The following FARS2 variants were observed in gnomAD, a reference collection of about 807,000 sequenced individuals.
FARS2 encodes the protein phenylalanine--tRNA ligase, mitochondrial.
In FARS2, 40 loss-of-function variants were observed where a neutral mutation model predicts 46.4. The observed-to-expected ratio is 0.86, with a 90% CI of 0.67 to 1.12. The LOEUF (loss-of-function observed/expected upper bound fraction) is 1.12, where lower values mean the gene tolerates loss of function less well. Among genes scored for constraint, FARS2 ranks in the 50% most tolerant of loss-of-function variants. FARS2 has a pLI of 0.00. For missense variants in FARS2, 513 were observed against 567.9 expected, an observed-to-expected ratio of 0.90 and a Z score of 0.98; for synonymous variants, 234 against 214.9, an observed-to-expected ratio of 1.09 and a Z score of -0.78.
chr6:5,573,927 T>G lies in FARS2; in HGVS notation c.1065+28587T>G, dbSNP rs141174842. Among the ~76,000 whole-genome samples, 12 of 152,270 alleles carry G rather than the reference T, an allele frequency of 7.9e-5. No homozygotes were observed. In the East Asian group the frequency reaches 2.3e-3, roughly 29 times the overall value. Reference sequence around the variant, plus strand: ...GGAAGTAGAACATTTTCAGTTAAAGTGTATTTTCTATGGTCTGTGACCTAA... The same window carrying G: ...GGAAGTAGAACATTTTCAGTTAAAGGGTATTTTCTATGGTCTGTGACCTAA... On this transcript the variant is annotated intron_variant, in intron 5 of 6. Coordinates refer to ENST00000274680, the MANE Select transcript of FARS2 (RefSeq NM_006567.5).
intron 1 of FARS2, among the ~76,000 whole-genome samples, chr6:5,357,329 T>G (rs1757997269): frequency 6.6e-6 from 1 of 152,222 alleles, no homozygotes; most frequent in South Asian, 2.1e-4. Flanking sequence ...TCCATTTGAT[T>G]TGGAAAAACA....
At chr6:5,502,754 G>A (rs1013015480) in intron 4 of FARS2, among the ~76,000 whole-genome samples, 5 of 152,110 alleles carry the variant, frequency 3.3e-5, no homozygotes, top group African/African-American at 4.8e-5. Flanking sequence ...AGGTTTTCTC[G>A]CACACATGTA....
At chr6:5,753,400 A>G (rs911865827) in intron 6 of FARS2, among the ~76,000 whole-genome samples, 3 of 152,106 alleles carry the variant, frequency 2.0e-5, no homozygotes, top group Non-Finnish European at 2.9e-5. Flanking sequence ...AAGATATTAG[A>G]TCCCTCTGCA....
chr6:5,273,344 T>A (rs1360807300), intron 1 of FARS2, among the ~76,000 whole-genome samples: 1 of 152,234 alleles, frequency 6.6e-6, no homozygotes, highest in Non-Finnish European at 1.5e-5. Context: ...ATTCCCTTTT[T>A]GATAAAAGCC....
At chr6:5,361,787 T>C (rs1336650668) in intron 1 of FARS2, among the ~76,000 whole-genome samples, 2 of 152,218 alleles carry the variant, frequency 1.3e-5, no homozygotes, top group Non-Finnish European at 2.9e-5. Flanking sequence ...TGACCATATA[T>C]GGGTTATGCC....
intron 2 of FARS2, among the ~76,000 whole-genome samples, chr6:5,381,370 A>AAT (rs368344271): frequency 0.13 from 17,276 of 132,820 alleles, 1,225 homozygotes; most frequent in South Asian, 0.18. Context: ...ACTCCCCAGA[A>AAT]ACACACACAC....
intron 1 of FARS2, among the ~76,000 whole-genome samples, chr6:5,338,204 T>A (rs901455213): frequency 6.6e-6 from 1 of 152,180 alleles, no homozygotes; most frequent in Non-Finnish European, 1.5e-5. Context: ...ATAGTTTGGA[T>A]TTTTTCCACT....
At chr6:5,704,963 G>C (rs1476365464) in intron 6 of FARS2, among the ~76,000 whole-genome samples, 1 of 152,176 alleles carries the variant, frequency 6.6e-6, no homozygotes, top group Non-Finnish European at 1.5e-5. Context: ...TGGCATGCTT[G>C]TGTACATGTT....
intron 1 of FARS2, among the ~76,000 whole-genome samples, chr6:5,267,276 T>C (rs1765615033): frequency 2.0e-5 from 3 of 152,190 alleles, no homozygotes; most frequent in Admixed American, 2.0e-4. Flanking sequence ...TAATCTGTTA[T>C]AGATCACTTT....
At chr6:5,430,993 C>T (rs750213806) in intron 3 of FARS2, 48 bp from the exon 4 acceptor site, 22 of 1,584,852 alleles carry the variant, frequency 1.4e-5, no homozygotes, top group Non-Finnish European at 1.8e-5. Flanking sequence ...CAAGAAAGGG[C>T]AGACAGCTAT....
intron 6 of FARS2, among the ~76,000 whole-genome samples, chr6:5,629,792 G>C (rs1776215431): frequency 6.6e-6 from 1 of 152,044 alleles, no homozygotes; most frequent in Non-Finnish European, 1.5e-5. Context: ...GGGGCCTTGT[G>C]GGGAGAAGCT....
Position 5,634,915 on chromosome 6 carries a change from G to A in FARS2, c.1217+21595G>A, listed in dbSNP as rs369769937. Among the ~76,000 whole-genome samples, 22 of 152,298 alleles carry A rather than the reference G, an allele frequency of 1.4e-4. 1 individual carries two copies. The East Asian group carries it at 3.9e-3, about 27-fold the overall frequency. ...AGTTGTCTTGCAGTTGCTATACAATGTAGTTTTTGTCATATTCCCTCTTAT... is the reference window on the plus strand; with the variant it reads ...AGTTGTCTTGCAGTTGCTATACAATATAGTTTTTGTCATATTCCCTCTTAT... On this transcript the variant is annotated intron_variant, in intron 6 of 6. Coordinates refer to ENST00000274680, the MANE Select transcript of FARS2 (RefSeq NM_006567.5).
chr6:5,668,693 T>G (rs950107061), intron 6 of FARS2, among the ~76,000 whole-genome samples: 40 of 142,302 alleles, frequency 2.8e-4, no homozygotes, highest in African/African-American at 1.0e-3. Flanking sequence ...TGGGTTTTTT[T>G]TTTTTTTTTT....
intron 4 of FARS2, among the ~76,000 whole-genome samples, chr6:5,447,627 C>G (rs1188227084): frequency 6.6e-6 from 1 of 152,172 alleles, no homozygotes; most frequent in Non-Finnish European, 1.5e-5. Context: ...TCATCCCTAC[C>G]TTATCCTCAA....
chr6:5,511,704 G>A (rs1296171123), intron 4 of FARS2, among the ~76,000 whole-genome samples: 6 of 152,180 alleles, frequency 3.9e-5, no homozygotes, highest in African/African-American at 1.4e-4. Context: ...CCCTAACCAT[G>A]CCTTTTCTCT....
intron 6 of FARS2, among the ~76,000 whole-genome samples, chr6:5,668,951 C>T (rs1305344226): frequency 2.6e-5 from 4 of 152,090 alleles, no homozygotes; most frequent in African/African-American, 9.7e-5. Context: ...CCGCCTTGGC[C>T]TCCCAAAGTG....
At chr6:5,652,294 G>C (rs889531798) in intron 6 of FARS2, among the ~76,000 whole-genome samples, 24 of 152,250 alleles carry the variant, frequency 1.6e-4, no homozygotes, top group African/African-American at 5.5e-4. Flanking sequence ...CGTCTGGGCA[G>C]ACTGTGGCAG....
chr6:5,339,632 G>A (rs1004132913), intron 1 of FARS2, among the ~76,000 whole-genome samples: 5 of 151,780 alleles, frequency 3.3e-5, no homozygotes, highest in Admixed American at 1.3e-4. Context: ...ATGGTGTCTC[G>A]CTATGTTGCC....
intron 4 of FARS2, among the ~76,000 whole-genome samples, chr6:5,453,453 T>TA (rs1562051736): frequency 6.6e-6 from 1 of 152,188 alleles, no homozygotes; most frequent in Non-Finnish European, 1.5e-5. Flanking sequence ...GAAAGCACAA[T>TA]ATTCTTGACC....
Sources: gnomAD v4.1 joint callset for allele counts (sites outside exome capture counted in the v4.1 genomes callset) on GRCh38, gnomAD v4.1.1 for gene constraint, MANE v1.5 for transcripts, NCBI Gene and HGNC (gene_info 2026-07-23, HGNC 2026-07-21) for gene names.